Variants in CTBP2 observed in about 807,000 individuals in gnomAD.
CTBP2 encodes C-terminal-binding protein 2.
CTBP2 carries 30 observed loss-of-function variants against 80.3 expected under a neutral mutation model. The observed-to-expected ratio is 0.37, with a 90% CI of 0.28 to 0.51. CTBP2 has a LOEUF of 0.51. CTBP2 is among the 20% of genes least tolerant of loss of function. The probability of loss-of-function intolerance (pLI) is 0.93; values close to 1 mark genes in which losing one functional copy is unlikely to be tolerated. For synonymous variants in CTBP2, 594 were observed against 587.4 expected (o/e 1.01, Z -0.16); for missense variants, 1,212 against 1,375.3 (o/e 0.88, Z 1.88).
intron 1 of CTBP2, among the ~76,000 whole-genome samples, chr10:125,023,314 T>C (rs993401288): frequency 7.2e-5 from 11 of 152,350 alleles, no homozygotes; most frequent in East Asian, 3.9e-4. Context: ...CCCCAGGGTG[T>C]GTCCTGAGCT....
chr10:125,120,172 A>T (rs1854082709), intron 1 of CTBP2, among the ~76,000 whole-genome samples: 1 of 152,186 alleles, frequency 6.6e-6, no homozygotes, highest in Non-Finnish European at 1.5e-5. Flanking sequence ...GCCGGGAAAG[A>T]GGCACAGCCA....
rs765648909 is a variant in CTBP2, at chr10:124,998,048, G to A, written c.2101C>T (p.Arg701Trp). ...CGGATCTGCTCCACGCTCTGAACCC[G>A]CGTGCCTTCCCGCAGTGCCTGGTAC... The change falls in exon 4 of 9, where the codon CGG (arginine) becomes TGG (tryptophan). Residue 701 changes from arginine (R) to tryptophan (W), a missense_variant. Physicochemically the swap from Arg to Trp is moderately radical, Grantham distance 101 (BLOSUM62 -3). Transcript: ENST00000309035. 7 of 1,613,198 alleles carry A rather than the reference G, an allele frequency of 4.3e-6. No homozygotes were observed. Among genetic ancestry groups the A allele is most frequent in the Non-Finnish European group, 5.9e-6 (7 of 1,179,984 alleles).
chr10:125,007,178 A>G (rs1248972311), intron 1 of CTBP2, among the ~76,000 whole-genome samples: 4 of 152,258 alleles, frequency 2.6e-5, no homozygotes, highest in African/African-American at 9.6e-5. Flanking sequence ...CGGAAATGAC[A>G]TCAGTGCCTT....
intron 3 of CTBP2, chr10:125,000,247 C>T (rs561137508): frequency 4.8e-5 from 1 of 20,688 alleles, no homozygotes; most frequent in South Asian, 1.6e-3. Context: ...TGCCAGGAAC[C>T]TCCATAACCC....
Position 125,027,858 on chromosome 10 carries a change from T to TC in CTBP2, c.-100dup. On this transcript the variant is annotated 5_prime_UTR_variant, in exon 1 of 9. Coordinates refer to ENST00000309035, the MANE Select transcript of CTBP2 (RefSeq NM_022802.3). The stretch of plus-strand genomic sequence containing the variant: ...ACAGACCTGGCTGTGTGCTAACCCT[T>TC]CCGAGACGGCAGGGACAACCAACTG... 3.5e-6 allele frequency: 5 copies of TC among 1,427,550 alleles called. No individual in the cohort carries two copies. The highest frequency in any genetic ancestry group is 9.1e-7 in the Non-Finnish European group (1 of 1,094,346). The allele number at this position is 1,427,550 out of a possible 1,614,324, so 88.4% of individuals were successfully genotyped here.
chr10:125,030,708 AAT>A (rs1191786109), upstream of CTBP2, among the ~76,000 whole-genome samples: 1 of 152,212 alleles, frequency 6.6e-6, no homozygotes, highest in Non-Finnish European at 1.5e-5. Context: ...CATTTGGCTC[AAT>A]GGTGTGTCCC....
intron 1 of CTBP2, among the ~76,000 whole-genome samples, chr10:125,154,165 G>T (rs1860510145): frequency 6.6e-6 from 1 of 152,194 alleles, no homozygotes. Context: ...GCACAAATCA[G>T]CAATACAATG....
intron 1 of CTBP2, among the ~76,000 whole-genome samples, chr10:125,113,053 G>A (rs1260458140): frequency 6.6e-6 from 1 of 152,188 alleles, no homozygotes; most frequent in Non-Finnish European, 1.5e-5. Context: ...GGACTCTACA[G>A]TCAAGGTTAT....
intron 8 of CTBP2, among the ~76,000 whole-genome samples, chr10:124,991,509 A>T (rs1268457624): frequency 6.6e-6 from 1 of 152,238 alleles, no homozygotes; most frequent in Non-Finnish European, 1.5e-5. Context: ...GAAGACAGCC[A>T]TGTGACCTGC....
chr10:125,014,565 A>C (rs1956280949), intron 1 of CTBP2, among the ~76,000 whole-genome samples: 1 of 152,240 alleles, frequency 6.6e-6, no homozygotes, highest in African/African-American at 2.4e-5. Flanking sequence ...CACGAGGTTG[A>C]CCTTCCTTAC....
chr10:125,097,774 T>G (rs1433283262), intron 2 of CTBP2, among the ~76,000 whole-genome samples: 35 of 152,090 alleles, frequency 2.3e-4, no homozygotes, highest in Non-Finnish European at 3.8e-4. Flanking sequence ...CCCTCTGTAG[T>G]TCCTACTTTT....
At position 125,027,302 on chromosome 10, in the gene CTBP2, C is replaced by T; in HGVS notation, c.458G>A (p.Gly153Asp). The change falls in exon 1 of 9, where the codon GGC becomes GAC. Residue 153 changes from glycine to aspartate, a missense_variant. Physicochemically the swap from Gly to Asp is moderately conservative, Grantham distance 94. Around this residue, in one of 3 missense-constraint regions of CTBP2, gnomAD observed 848 missense variants for 782.3 expected, o/e 1.08. Transcript: ENST00000309035. ...GGCGTCCTGCAGGGCAGGTGACCGG[C>T]CTTGCATTGGATCCCATGACGTTCT... is the stretch of plus-strand genomic sequence containing the variant. The T allele has an allele frequency of 6.2e-7, 1 of 1,613,786 alleles. No individual in the cohort carries two copies. The highest frequency in any genetic ancestry group is 1.3e-5 in the African/African-American group (1 of 75,048).
chr10:125,131,866 G>A (rs531841156), intron 1 of CTBP2, among the ~76,000 whole-genome samples: 2 of 152,262 alleles, frequency 1.3e-5, no homozygotes, highest in African/African-American at 2.4e-5. Flanking sequence ...GCCGGGAAGC[G>A]ACACACATTG....
intron 1 of CTBP2, among the ~76,000 whole-genome samples, chr10:125,134,865 C>T (rs1426261661): frequency 1.3e-5 from 2 of 151,052 alleles, no homozygotes; most frequent in East Asian, 3.9e-4. Flanking sequence ...TACCCTGCTG[C>T]TTAGCTCCTC....
intron 1 of CTBP2, among the ~76,000 whole-genome samples, chr10:125,130,932 A>AC (rs914292223): frequency 6.6e-6 from 1 of 152,122 alleles, no homozygotes; most frequent in African/African-American, 2.4e-5. Flanking sequence ...ATCGCCTCCG[A>AC]CCCACTGTAT....
At chr10:125,062,232 C>T (rs1965106757) in intron 2 of CTBP2, among the ~76,000 whole-genome samples, 1 of 149,534 alleles carries the variant, frequency 6.7e-6, no homozygotes, top group African/African-American at 2.4e-5. Flanking sequence ...AGAGGTGCCC[C>T]TGAATGGGGG....
chr10:125,088,663 T>C (rs891890742), intron 2 of CTBP2, among the ~76,000 whole-genome samples: 1 of 152,210 alleles, frequency 6.6e-6, no homozygotes, highest in Non-Finnish European at 1.5e-5. Flanking sequence ...GTCTCTCTCC[T>C]GGAAATTACA....
At chr10:125,161,561 C>T (rs912606057), upstream of CTBP2, among the ~76,000 whole-genome samples, 14 of 152,244 alleles carry the variant, frequency 9.2e-5, no homozygotes, top group East Asian at 2.7e-3. Context: ...CAGGCGCGGG[C>T]CGGCCACAGG....
chr10:125,115,144 A>G (rs58110583), intron 1 of CTBP2, among the ~76,000 whole-genome samples: 11,719 of 151,844 alleles, frequency 0.077, 692 homozygotes, highest in African/African-American at 0.17. Flanking sequence ...CACCAGCCAG[A>G]GAGCAGAACT....
Sources: allele counts gnomAD v4.1 joint callset (sites outside exome capture counted in the v4.1 genomes callset), GRCh38; gene constraint gnomAD v4.1.1; regional missense constraint gnomAD v4.1.1; transcripts MANE v1.5; gene names NCBI Gene and HGNC (gene_info 2026-07-23, HGNC 2026-07-21).